Variants in CRTAC1 observed in about 807,000 individuals in gnomAD.
CRTAC1 encodes cartilage acidic protein 1, also known as acidic secreted protein in cartilage.
A neutral mutation model predicts 67.8 loss-of-function variants in CRTAC1; 37 were observed. That is an observed-to-expected ratio of 0.55 (90% CI 0.42 to 0.72). The LOEUF (loss-of-function observed/expected upper bound fraction) is 0.72. Ranked by LOEUF, CRTAC1 falls within the 30% of genes least tolerant of loss-of-function variation. The pLI is 0.00. For synonymous variants in CRTAC1, 348 were observed against 371.0 expected, an observed-to-expected ratio of 0.94 and a Z score of 0.71; for missense variants, 780 against 931.6, an observed-to-expected ratio of 0.84 and a Z score of 2.12.
At chr10:97,908,820 A>T (rs114949039) in intron 5 of CRTAC1, among the ~76,000 whole-genome samples, 4,081 of 152,300 alleles carry the variant, frequency 0.027, 170 homozygotes, top group African/African-American at 0.09. Flanking sequence ...TGGTATTGTG[A>T]GATCTTGCTT....
intron 6 of CRTAC1, among the ~76,000 whole-genome samples, chr10:97,905,547 C>T (rs993243104): frequency 2.8e-4 from 42 of 152,236 alleles, no homozygotes; most frequent in African/African-American, 9.2e-4. Flanking sequence ...TGTGCGGTTA[C>T]GTTCCTTTGT....
At chr10:97,954,221 T>A (rs938081394) in intron 2 of CRTAC1, among the ~76,000 whole-genome samples, 1 of 152,090 alleles carries the variant, frequency 6.6e-6, no homozygotes, top group African/African-American at 2.4e-5. Context: ...GAAGAGGATA[T>A]ACAGCAAGAA....
intron 5 of CRTAC1, among the ~76,000 whole-genome samples, chr10:97,910,202 T>C (rs1162657357): frequency 2.0e-5 from 3 of 152,220 alleles, no homozygotes; most frequent in Admixed American, 6.5e-5. Context: ...AGATTTTAAG[T>C]GTTGTCACCC....
intron 8 of CRTAC1, among the ~76,000 whole-genome samples, chr10:97,900,125 TG>T (rs2050512353): frequency 6.6e-6 from 1 of 152,216 alleles, no homozygotes; most frequent in African/African-American, 2.4e-5. Context: ...CTGATGCCAA[TG>T]GTCTCTGGAC....
intron 11 of CRTAC1, among the ~76,000 whole-genome samples, chr10:97,894,064 A>C (rs2050415863): frequency 6.6e-6 from 1 of 152,196 alleles, no homozygotes; most frequent in African/African-American, 2.4e-5. Context: ...AAATGTAAAG[A>C]TGTTTGTGTG....
chr10:98,012,795 A>G (rs539987954), intron 1 of CRTAC1, among the ~76,000 whole-genome samples: 97 of 152,330 alleles, frequency 6.4e-4, no homozygotes, highest in Non-Finnish European at 9.6e-4. Context: ...ATTGCAGGGC[A>G]GAAACTGGGA....
chr10:97,866,796 A>T (rs558904872), intron 14 of CRTAC1: 1 of 152,070 alleles, frequency 6.6e-6, no homozygotes, highest in South Asian at 2.1e-4. Flanking sequence ...GTTCATGTGT[A>T]TGAGTGTGTG....
At chr10:97,917,687 G>A (rs778543201) in intron 4 of CRTAC1, 31 bp from the exon 5 acceptor site, 2 of 1,498,842 alleles carry the variant, frequency 1.3e-6, no homozygotes, top group South Asian at 2.8e-5. Flanking sequence ...GAGGTGAGCA[G>A]GGCCACCTTG....
Position 97,878,720 on chromosome 10 carries a change from G to C in CRTAC1, c.1819+1529C>G, listed in dbSNP as rs554839474. On this transcript the variant is annotated intron_variant, in intron 14 of 14. Transcript: ENST00000370597. Reference sequence around the variant, plus strand: ...AATCAGAGTAACCTGAGATGAGCCAGGCCTATGTCCAGCCAGACATTGAGG... The same window carrying C: ...AATCAGAGTAACCTGAGATGAGCCACGCCTATGTCCAGCCAGACATTGAGG... 66 of 1,303,056 alleles carry C rather than the reference G, an allele frequency of 5.1e-5. No individual in the cohort carries two copies. The African/African-American group carries it at 9.6e-4, about 19-fold the overall frequency. 80.7% of individuals were successfully genotyped at this position (1,303,056 alleles called of 1,614,324 possible).
chr10:97,955,839 T>C (rs1260434886), intron 2 of CRTAC1, among the ~76,000 whole-genome samples: 1 of 152,228 alleles, frequency 6.6e-6, no homozygotes. Context: ...GGTGCAGTCA[T>C]TGCCTCAGAC....
At position 97,908,271 on chromosome 10, in the gene CRTAC1, A is replaced by T. The variant is rs114496820; in HGVS notation, c.716-124T>A. 6,600 of 1,025,572 alleles carry T rather than the reference A, an allele frequency of 6.4e-3. 257 individuals are homozygous for T. The African/African-American group carries it at 0.089, about 14-fold the overall frequency. The allele number at this position is 1,025,572 out of a possible 1,614,324, so 63.5% of individuals were successfully genotyped here. ...GGCTCCTCAGAGGAGCCTGGGGGGA[A>T]TTCTGCTTCCCGTGCTTTCCTGAGC... On this transcript the variant is annotated intron_variant, in intron 5 of 14. Coordinates refer to ENST00000370597, the MANE Select transcript of CRTAC1 (RefSeq NM_018058.7).
In CRTAC1 at chr10:97,966,081, T is replaced by G. The variant is rs1301061148; in HGVS notation, c.225-29715A>C. ...AGGCCACTACATAGGTAGGGAAAGC[T>G]GATTTTCTTTCTTTTTTGAGACAGT... On this transcript the variant is annotated intron_variant, in intron 2 of 14. Transcript: ENST00000370597. Among the ~76,000 whole-genome samples, 3 of 152,154 alleles carry G rather than the reference T, an allele frequency of 2.0e-5. No individual in the cohort carries two copies. In the East Asian group the frequency reaches 5.8e-4, roughly 29 times the overall value.
intron 6 of CRTAC1, among the ~76,000 whole-genome samples, chr10:97,905,597 C>T (rs145507436): frequency 8.9e-4 from 136 of 152,348 alleles, no homozygotes; most frequent in African/African-American, 2.5e-3. Context: ...CTATCCCTGA[C>T]GTTCCATGAG....
chr10:97,950,729 G>C (rs1477081093), intron 2 of CRTAC1, among the ~76,000 whole-genome samples: 2 of 152,190 alleles, frequency 1.3e-5, no homozygotes, highest in African/African-American at 4.8e-5. Context: ...TTTCAGATCA[G>C]AAAAGGCCTA....
At chr10:97,968,526 C>T (rs555042541) in intron 2 of CRTAC1, among the ~76,000 whole-genome samples, 6 of 152,294 alleles carry the variant, frequency 3.9e-5, no homozygotes, top group African/African-American at 1.4e-4. Flanking sequence ...GTGTGAGCCA[C>T]CACGCCCAGC....
Position 97,895,421 on chromosome 10 carries a change from G to A in CRTAC1, c.1318-8C>T, listed in dbSNP as rs1371195901. Reference sequence around the variant, plus strand: ...CCAGTTGTTGTTGAAGCCCTGCAGAGAGGGTGAGAGGCAGACACCCGGTGG... The same window carrying A: ...CCAGTTGTTGTTGAAGCCCTGCAGAAAGGGTGAGAGGCAGACACCCGGTGG... On this transcript the variant is annotated splice_region_variant and splice_polypyrimidine_tract_variant and intron_variant, in intron 10 of 14. Coordinates refer to ENST00000370597, the MANE Select transcript of CRTAC1 (RefSeq NM_018058.7). This position sits in a 1 kb window ranked among gnomAD's most constrained non-coding sequence, Gnocchi z 4.2. 6 of 1,585,294 alleles carry A rather than the reference G, an allele frequency of 3.8e-6. No homozygotes were observed. Among genetic ancestry groups the A allele is most frequent in the South Asian group, 3.5e-5 (3 of 85,818 alleles).
intron 8 of CRTAC1, among the ~76,000 whole-genome samples, chr10:97,898,281 C>G (rs1398288211): frequency 6.6e-6 from 1 of 152,220 alleles, no homozygotes; most frequent in Non-Finnish European, 1.5e-5. Flanking sequence ...ACAGGAACCA[C>G]CGTTCAGAGG....
At chr10:97,949,102 C>G (rs2051309245) in intron 2 of CRTAC1, among the ~76,000 whole-genome samples, 1 of 152,194 alleles carries the variant, frequency 6.6e-6, no homozygotes, top group Non-Finnish European at 1.5e-5. Flanking sequence ...GTTAGGTTCA[C>G]AGCTGAGAGG....
Position 98,030,370 on chromosome 10 carries a change from C to CG in CRTAC1, c.24+78dup, listed in dbSNP as rs1220229244. ...CCGGGCGGCGTCCCCGCCACCCTTG[C>CG]GGGCGGATCCGGGGGGGCGCGCAGA... On this transcript the variant is annotated intron_variant, in intron 1 of 14. Transcript: ENST00000370597. This position sits in a 1 kb window ranked among gnomAD's most constrained non-coding sequence, Gnocchi z 4.2. The CG allele has an allele frequency of 6.4e-6, 6 of 938,668 alleles. No homozygotes were observed. The highest frequency in any genetic ancestry group is 8.5e-6 in the Non-Finnish European group (6 of 706,322). The allele number at this position is 938,668 out of a possible 1,614,324, so 58.1% of individuals were successfully genotyped here. A position where few individuals can be genotyped will look rare whatever the true frequency, so the allele number is the denominator to read the frequency against.
Sources: gnomAD v4.1 joint callset for allele counts (sites outside exome capture counted in the v4.1 genomes callset) on GRCh38, gnomAD v4.1.1 for gene constraint, Gnocchi (gnomAD v3.1) non-coding constraint, MANE v1.5 for transcripts, NCBI Gene and HGNC (gene_info 2026-07-23, HGNC 2026-07-21) for gene names.